The following TECRL variants were observed in gnomAD, a reference collection of about 807,000 sequenced individuals.
TECRL encodes the protein trans-2,3-enoyl-CoA reductase like.
TECRL carries 63 observed loss-of-function variants against 52.8 expected under a neutral mutation model. That is an observed-to-expected ratio of 1.19 (90% CI 0.97 to 1.47). The LOEUF is 1.47. TECRL is among the 40% of genes most tolerant of loss of function. The probability of loss-of-function intolerance (pLI) is 0.00; values close to 1 mark genes in which losing one functional copy is unlikely to be tolerated. For missense variants in TECRL, 482 were observed against 429.6 expected (o/e 1.12, Z -1.08); for synonymous variants, 164 against 141.9 (o/e 1.16, Z -1.10).
At chr4:64,361,080 CTG>C (rs1721157747) in intron 2 of TECRL, among the ~76,000 whole-genome samples, 1 of 3,182 alleles carries the variant, frequency 3.1e-4, no homozygotes, top group Admixed American at 6.3e-3. Flanking sequence ...AGCCCTTTGT[CTG>C]TCAGCCTCTC....
chr4:64,363,016 A>G (rs1450685022), intron 2 of TECRL, among the ~76,000 whole-genome samples: 24 of 151,726 alleles, frequency 1.6e-4, no homozygotes, highest in South Asian at 6.2e-4. Flanking sequence ...AGGCACATAA[A>G]AAAAAAAAAA....
At chr4:64,316,891 T>C (rs1190840501) in intron 4 of TECRL, among the ~76,000 whole-genome samples, 3 of 152,154 alleles carry the variant, frequency 2.0e-5, no homozygotes, top group African/African-American at 7.2e-5. Context: ...CTGTTTTGAA[T>C]ACAAAATTCA....
At chr4:64,325,434 T>C (rs1417999273) in intron 3 of TECRL, among the ~76,000 whole-genome samples, 1 of 152,154 alleles carries the variant, frequency 6.6e-6, no homozygotes, top group Non-Finnish European at 1.5e-5. Flanking sequence ...TCAAGAGTCT[T>C]CACATGAGAA....
At chr4:64,314,539 C>T in intron 5 of TECRL, 109 bp downstream of exon 5, 1 of 802,816 alleles carries the variant, frequency 1.2e-6, no homozygotes, top group Non-Finnish European at 2.0e-6. Flanking sequence ...TAGTAACAAC[C>T]TTTATTAATA....
intron 7 of TECRL, among the ~76,000 whole-genome samples, chr4:64,304,011 T>A (rs966325046): frequency 3.3e-5 from 5 of 151,818 alleles, no homozygotes; most frequent in Non-Finnish European, 7.4e-5. Context: ...AGCCACAAAA[T>A]AATGTTTTTA....
chr4:64,289,463 A>G (rs112067702), intron 9 of TECRL, among the ~76,000 whole-genome samples: 1 of 151,982 alleles, frequency 6.6e-6, no homozygotes, highest in Non-Finnish European at 1.5e-5. Flanking sequence ...TATTTAAGTG[A>G]TATTGTTGTT....
chr4:64,363,128 A>G (rs1560530442), intron 2 of TECRL, among the ~76,000 whole-genome samples: 2 of 152,156 alleles, frequency 1.3e-5, no homozygotes, highest in Non-Finnish European at 2.9e-5. Context: ...ATTCAATTCA[A>G]AAAGACTTAA....
At chr4:64,315,697 T>G (rs1049331981) in intron 4 of TECRL, among the ~76,000 whole-genome samples, 2 of 152,134 alleles carry the variant, frequency 1.3e-5, no homozygotes, top group Non-Finnish European at 2.9e-5. Context: ...TTCACAGCTC[T>G]GTTGAGAAGA....
At chr4:64,307,047 CCCTATATTTTCAAAGACA>C (rs1724381380) in intron 6 of TECRL, among the ~76,000 whole-genome samples, 1 of 152,110 alleles carries the variant, frequency 6.6e-6, no homozygotes, top group East Asian at 1.9e-4. Flanking sequence ...CCAAGCCAAC[CCCTATATTTTCAAAGACA>C]CCTATTCTTC....
intron 2 of TECRL, among the ~76,000 whole-genome samples, chr4:64,335,606 T>A (rs1254591133): frequency 6.6e-6 from 1 of 152,164 alleles, no homozygotes; most frequent in Non-Finnish European, 1.5e-5. Context: ...GCCAAAAAGG[T>A]TGGGGACTGC....
chr4:64,287,222 A>T (rs1244416780), intron 9 of TECRL, among the ~76,000 whole-genome samples: 2 of 152,158 alleles, frequency 1.3e-5, no homozygotes, highest in African/African-American at 4.8e-5. Flanking sequence ...CTGCATATAC[A>T]TAATTTATCA....
chr4:64,409,456 G>T, upstream of TECRL: 1 of 1,489,600 alleles, frequency 6.7e-7, no homozygotes, highest in South Asian at 1.4e-5. Flanking sequence ...AAGGTCAAAT[G>T]GTATGCCATT....
At chr4:64,311,092 T>C (rs1339321985) in intron 5 of TECRL, among the ~76,000 whole-genome samples, 1 of 152,190 alleles carries the variant, frequency 6.6e-6, no homozygotes, top group Non-Finnish European at 1.5e-5. Context: ...ATAATAAAAT[T>C]AGACATTGAG....
At chr4:64,359,550 C>T (rs1315552725) in intron 2 of TECRL, among the ~76,000 whole-genome samples, 1 of 151,626 alleles carries the variant, frequency 6.6e-6, no homozygotes, top group Admixed American at 6.6e-5. Context: ...GCTTGGAAAA[C>T]ATCACCATGT....
intron 1 of TECRL, among the ~76,000 whole-genome samples, chr4:64,391,154 A>G (rs1560553019): frequency 2.0e-5 from 3 of 151,872 alleles, no homozygotes; most frequent in Admixed American, 1.3e-4. Flanking sequence ...GAGAACAATG[A>G]AAATTTTATC....
At chr4:64,303,064 A>C (rs1724113004) in intron 7 of TECRL, among the ~76,000 whole-genome samples, 1 of 151,456 alleles carries the variant, frequency 6.6e-6, no homozygotes, top group South Asian at 2.1e-4. Flanking sequence ...CTTTGTGAGT[A>C]CAGAATTGAA....
chr4:64,278,208 A>G lies in TECRL; in HGVS notation c.*1864T>C, dbSNP rs1041188946. The G allele has an allele frequency of 2.0e-5, 3 of 151,846 alleles. No homozygotes were observed. Among genetic ancestry groups the G allele is most frequent in the South Asian group, 4.2e-4 (2 of 4,816 alleles). The allele number at this position is 151,846 out of a possible 1,614,324, so 9.4% of individuals were successfully genotyped here. ...GATTTTCAAATAATCTACAGAAAAT[A>G]TTTTAATTGTAAATTTCAGTATGAT... is the stretch of plus-strand genomic sequence containing the variant. On this transcript the variant is annotated 3_prime_UTR_variant, in exon 12 of 12. Transcript: ENST00000381210.
At chr4:64,309,238 G>A (rs62408513) in intron 6 of TECRL, among the ~76,000 whole-genome samples, 6,411 of 152,156 alleles carry the variant, frequency 0.042, 199 homozygotes, top group Non-Finnish European at 0.064. Flanking sequence ...TTTTTTTACA[G>A]ACAAACCTTT....
chr4:64,317,333 A>G (rs1188625492), intron 4 of TECRL, among the ~76,000 whole-genome samples: 1 of 152,038 alleles, frequency 6.6e-6, no homozygotes, highest in Non-Finnish European at 1.5e-5. Flanking sequence ...ATACATTGAA[A>G]CATGGCTGCA....
Sources: gnomAD v4.1 joint callset for allele counts (sites outside exome capture counted in the v4.1 genomes callset) on GRCh38, gnomAD v4.1.1 for gene constraint, MANE v1.5 for transcripts, NCBI Gene and HGNC (gene_info 2026-07-23, HGNC 2026-07-21) for gene names.